Variants in BARD1 observed in about 807,000 individuals in gnomAD.
The protein encoded by BARD1 is BRCA1 associated RING domain 1, also known as BRCA1-associated RING domain protein 1.
In BARD1, 73 loss-of-function variants were observed where a neutral mutation model predicts 77.0. The ratio of observed to expected loss-of-function variants is 0.95; its 90% CI spans 0.79 to 1.15. The LOEUF (loss-of-function observed/expected upper bound fraction) is 1.15, where lower values mean the gene tolerates loss of function less well. BARD1 is among the 50% of genes most tolerant of loss of function. BARD1 has a pLI of 0.00. For missense variants in BARD1, 993 were observed against 938.8 expected, an observed-to-expected ratio of 1.06 and a Z score of -0.75; for synonymous variants, 384 against 338.0, an observed-to-expected ratio of 1.14 and a Z score of -1.49.
intron 4 of BARD1, among the ~76,000 whole-genome samples, chr2:214,779,029 T>C (rs749724584): frequency 1.3e-5 from 2 of 152,188 alleles, no homozygotes; most frequent in African/African-American, 2.4e-5. Context: ...ACATATAATA[T>C]ACATATATAT....
At chr2:214,770,352 T>C (rs921071274) in intron 4 of BARD1, among the ~76,000 whole-genome samples, 3 of 152,234 alleles carry the variant, frequency 2.0e-5, no homozygotes, top group African/African-American at 4.8e-5. Context: ...TCTATTTCTC[T>C]ATTCCAGTAC....
intron 6 of BARD1, among the ~76,000 whole-genome samples, chr2:214,761,581 G>T (rs1267135180): frequency 6.6e-6 from 1 of 152,026 alleles, no homozygotes; most frequent in Non-Finnish European, 1.5e-5. Context: ...TGGGAGGATC[G>T]CTTGAGCCCT....
chr2:214,736,005 G>A (rs1006696813), intron 9 of BARD1, among the ~76,000 whole-genome samples: 1 of 151,742 alleles, frequency 6.6e-6, no homozygotes, highest in East Asian at 1.9e-4. Context: ...TTTTTAATAT[G>A]AAAGTCATAT....
At chr2:214,772,750 C>T (rs1331448560) in intron 4 of BARD1, among the ~76,000 whole-genome samples, 1 of 152,116 alleles carries the variant, frequency 6.6e-6, no homozygotes, top group Non-Finnish European at 1.5e-5. Flanking sequence ...ATATTTTCAT[C>T]TTTCTACTTC....
At chr2:214,751,935 T>TG (rs1474196364) in intron 7 of BARD1, among the ~76,000 whole-genome samples, 12 of 152,184 alleles carry the variant, frequency 7.9e-5, no homozygotes, top group African/African-American at 2.4e-4. Context: ...GCCTATACAC[T>TG]GTGTCCTCCA....
chr2:214,747,549 C>A (rs1693185580), intron 7 of BARD1, among the ~76,000 whole-genome samples: 1 of 151,338 alleles, frequency 6.6e-6, no homozygotes, highest in Admixed American at 6.6e-5. Flanking sequence ...AGTTCATGTC[C>A]TTTGTAGGGA....
At chr2:214,788,293 A>C (rs1695365295) in intron 3 of BARD1, among the ~76,000 whole-genome samples, 1 of 152,054 alleles carries the variant, frequency 6.6e-6, no homozygotes, top group African/African-American at 2.4e-5. Flanking sequence ...AAACTTTTAA[A>C]TTTAACTCCA....
At chr2:214,787,107 T>C (rs559315272) in intron 3 of BARD1, among the ~76,000 whole-genome samples, 138 of 152,010 alleles carry the variant, frequency 9.1e-4, no homozygotes, top group African/African-American at 3.3e-3. Context: ...GATGACATTT[T>C]CAATTAAAAC....
rs549795495 is a variant in BARD1 at position 214,728,098 on chromosome 2, TAA to T, written c.*576_*577del. Reference sequence around the variant, plus strand: ...CACAATTTCCTGATGATATACAAGATAAAAAACAGGGATGAAAGTGTAGAAAC... The same window carrying T: ...CACAATTTCCTGATGATATACAAGATAAAACAGGGATGAAAGTGTAGAAAC... On this transcript the variant is annotated 3_prime_UTR_variant, in exon 11 of 11. Transcript: ENST00000260947. The T allele has an allele frequency of 5.6e-4, 128 of 228,268 alleles. No individual in the cohort carries two copies. Among genetic ancestry groups the T allele is most frequent in the African/African-American group, 2.7e-3 (123 of 45,040 alleles). 14.1% of individuals were successfully genotyped at this position (228,268 alleles called of 1,614,324 possible).
intron 8 of BARD1, 102 bp downstream of exon 8, chr2:214,745,620 C>T: frequency 6.9e-7 from 1 of 1,448,654 alleles, no homozygotes; most frequent in Non-Finnish European, 9.7e-7. Context: ...ACAGCCATCT[C>T]CCAATGGTTA....
At chr2:214,783,818 G>A (rs1695150104) in intron 3 of BARD1, among the ~76,000 whole-genome samples, 1 of 152,136 alleles carries the variant, frequency 6.6e-6, no homozygotes, top group African/African-American at 2.4e-5. Context: ...CTAGCCATAT[G>A]CAGAAAACTG....
intron 1 of BARD1, among the ~76,000 whole-genome samples, chr2:214,798,772 G>GAAAAAAAAAAAAA (rs10707828): frequency 7.8e-6 from 1 of 127,496 alleles, no homozygotes; most frequent in African/African-American, 2.9e-5. Flanking sequence ...ATTAAAAAAA[G>GAAAAAAAAAAAAA]AAAAAAAAAA....
At chr2:214,729,119 C>A in intron 10 of BARD1, 111 bp from the exon 11 acceptor site, 1 of 1,278,680 alleles carries the variant, frequency 7.8e-7, no homozygotes, top group East Asian at 2.5e-5. Flanking sequence ...TTACCTGAAA[C>A]ATTTGGAGGA....
chr2:214,742,692 C>G (rs1692898993), intron 9 of BARD1, among the ~76,000 whole-genome samples: 1 of 152,134 alleles, frequency 6.6e-6, no homozygotes, highest in African/African-American at 2.4e-5. Flanking sequence ...TGACAAAACC[C>G]ACATTTCCCA....
At chr2:214,752,417 T>C in intron 7 of BARD1, 30 bp downstream of exon 7, 2 of 1,552,710 alleles carry the variant, frequency 1.3e-6, no homozygotes, top group Non-Finnish European at 1.8e-6. Flanking sequence ...ATAAAATATA[T>C]AAATGTCCCA....
At position 214,809,656 on chromosome 2, in the gene BARD1, C is replaced by A; in HGVS notation, c.-87G>T. On this transcript the variant is annotated 5_prime_UTR_variant, in exon 1 of 11. Transcript: ENST00000260947. ...ACAGGGAAGCTGCAGGCCAGCGACT[C>A]GAAACCGGCCAAGCTCTTCCCGCGT... The A allele has an allele frequency of 6.7e-7, 1 of 1,484,372 alleles. No homozygotes were observed. Among genetic ancestry groups the A allele is most frequent in the Non-Finnish European group, 9.1e-7 (1 of 1,104,712 alleles). The allele number at this position is 1,484,372 out of a possible 1,614,324, so 92.0% of individuals were successfully genotyped here.
At position 214,767,559 on chromosome 2, in the gene BARD1, T is replaced by C. The variant is rs61754117; in HGVS notation, c.1491A>G (p.Pro497=). 5.3e-5 allele frequency: 85 copies of C among 1,614,070 alleles called. No homozygotes were observed. In the African/African-American group the frequency reaches 8.7e-4, roughly 16 times the overall value. ...GCCCATTCTTGGCTGCATCGTGAAGTGGTGAGTCATTTTGATACCCGGTGG... is the reference window on the plus strand; with the variant it reads ...GCCCATTCTTGGCTGCATCGTGAAGCGGTGAGTCATTTTGATACCCGGTGG... The part of the protein sequence containing the change: ...VNTTGYQNDS[P]LHDAAKNGHV... The change falls in exon 6 of 11, where the codon CCA becomes CCG. Residue 497 remains proline (P), a synonymous_variant. Transcript: ENST00000260947.
intron 6 of BARD1, 56 bp downstream of exon 6, chr2:214,767,426 C>G: frequency 6.5e-7 from 1 of 1,549,972 alleles, no homozygotes; most frequent in Non-Finnish European, 8.9e-7. Context: ...TATCACACAC[C>G]TTGATTCAAG....
At chr2:214,737,807 A>G (rs1692632648) in intron 9 of BARD1, among the ~76,000 whole-genome samples, 1 of 152,198 alleles carries the variant, frequency 6.6e-6, no homozygotes, top group Admixed American at 6.5e-5. Context: ...CTGCAGCAAG[A>G]ATTCTTAACC....
Sources: allele counts gnomAD v4.1 joint callset (sites outside exome capture counted in the v4.1 genomes callset), GRCh38; gene constraint gnomAD v4.1.1; transcripts MANE v1.5; gene names NCBI Gene and HGNC (gene_info 2026-07-23, HGNC 2026-07-21).